Variants in SLC17A6 observed in about 807,000 individuals in gnomAD.
The protein encoded by SLC17A6 is solute carrier family 17 member 6.
Under a neutral mutation model 67.1 loss-of-function variants are expected in SLC17A6, and 35 were observed. The ratio of observed to expected loss-of-function variants is 0.52; its 90% CI spans 0.40 to 0.69. SLC17A6 has a LOEUF of 0.69. SLC17A6 is among the 30% of genes least tolerant of loss of function. The pLI is 0.00. For synonymous variants in SLC17A6, 285 were observed against 252.3 expected, an observed-to-expected ratio of 1.13 and a Z score of -1.23; for missense variants, 588 against 723.9, an observed-to-expected ratio of 0.81 and a Z score of 2.15.
At chr11:22,351,105 A>G (rs1296403279) in intron 3 of SLC17A6, among the ~76,000 whole-genome samples, 2 of 152,162 alleles carry the variant, frequency 1.3e-5, no homozygotes, top group Admixed American at 1.3e-4. Flanking sequence ...AATCATCTTC[A>G]TAATTGCCTT....
At chr11:22,339,182 T>C (rs1435692783) in intron 1 of SLC17A6, among the ~76,000 whole-genome samples, 1 of 15,262 alleles carries the variant, frequency 6.6e-5, no homozygotes, top group East Asian at 8.9e-3. Flanking sequence ...ATATATGTTT[T>C]ATATATATAT....
intron 3 of SLC17A6, among the ~76,000 whole-genome samples, chr11:22,344,029 C>A (rs972300375): frequency 1.3e-5 from 2 of 152,108 alleles, no homozygotes; most frequent in African/African-American, 4.8e-5. Flanking sequence ...TGGAGAGACA[C>A]CCCTAAAGCA....
intron 8 of SLC17A6, 148 bp downstream of exon 8, chr11:22,370,336 G>A (rs961046468): frequency 2.6e-5 from 18 of 681,288 alleles, no homozygotes; most frequent in Non-Finnish European, 3.8e-5. Flanking sequence ...TAGAAGCAAA[G>A]TAAAATGTTT....
intron 8 of SLC17A6, among the ~76,000 whole-genome samples, chr11:22,372,977 A>G (rs553680619): frequency 6.6e-6 from 1 of 152,176 alleles, no homozygotes; most frequent in African/African-American, 2.4e-5. Flanking sequence ...AGGAGAGTCA[A>G]TACCCTTAAA....
intron 3 of SLC17A6, among the ~76,000 whole-genome samples, chr11:22,358,912 A>C (rs1856018899): frequency 6.6e-6 from 1 of 152,224 alleles, no homozygotes; most frequent in Non-Finnish European, 1.5e-5. Flanking sequence ...CTGTATGTGC[A>C]GCTTCTAGGA....
chr11:22,359,429 A>G lies in SLC17A6; in HGVS notation c.475A>G (p.Ile159Val). ...CTATTTCAGGGTTTTCGGAGCTGCC[A>G]TACTTCTTACCTCTACCCTAAATAT... ...LAANRVFGAAILLTSTLNMLI... is the reference protein window; with the variant it reads ...LAANRVFGAAVLLTSTLNMLI... Residue 159 changes from isoleucine to valine, a missense_variant, in exon 4 of 12, where the codon ATA becomes GTA. Ile to Val is a conservative substitution (Grantham distance 29, BLOSUM62 3). Transcript: ENST00000263160. 1.3e-6 allele frequency: 2 copies of G among 1,582,844 alleles called. No homozygotes were observed. Among genetic ancestry groups the G allele is most frequent in the Non-Finnish European group, 1.7e-6 (2 of 1,164,222 alleles).
chr11:22,361,225 T>C, intron 5 of SLC17A6: 1 of 417,366 alleles, frequency 2.4e-6, no homozygotes. Flanking sequence ...GGATTTCAAA[T>C]ATATTCATGG....
chr11:22,375,210 A>C (rs1056423936), intron 9 of SLC17A6, among the ~76,000 whole-genome samples: 3 of 151,580 alleles, frequency 2.0e-5, no homozygotes, highest in Admixed American at 6.6e-5. Context: ...ATCTCGACTA[A>C]AAACACAAAA....
At chr11:22,339,179 TTTTATATATA>T (rs1855782033) in intron 1 of SLC17A6, among the ~76,000 whole-genome samples, 3 of 51,856 alleles carry the variant, frequency 5.8e-5, no homozygotes, top group Non-Finnish European at 1.1e-4. Flanking sequence ...TATATATATG[TTTTATATATA>T]TATATATATA....
At chr11:22,341,099 T>A (rs757311987) in intron 1 of SLC17A6, among the ~76,000 whole-genome samples, 14 of 152,156 alleles carry the variant, frequency 9.2e-5, no homozygotes, top group Non-Finnish European at 1.8e-4. Context: ...ACCGCGGTAG[T>A]CAGGGTAAAG....
chr11:22,340,939 A>AG (rs975043848), intron 1 of SLC17A6, among the ~76,000 whole-genome samples: 2 of 152,142 alleles, frequency 1.3e-5, no homozygotes, highest in Non-Finnish European at 2.9e-5. Flanking sequence ...GGCTCAGCTC[A>AG]GGGGGTGGAT....
chr11:22,364,194 A>T (rs1482229885), intron 6 of SLC17A6, among the ~76,000 whole-genome samples: 1 of 152,136 alleles, frequency 6.6e-6, no homozygotes, highest in Non-Finnish European at 1.5e-5. Context: ...AAGAGATAAG[A>T]TCAGTATAGT....
intron 4 of SLC17A6, among the ~76,000 whole-genome samples, chr11:22,360,528 C>T (rs1193314546): frequency 2.3e-5 from 2 of 86,356 alleles, no homozygotes; most frequent in South Asian, 4.2e-4. Context: ...GCTCTCCTTC[C>T]CCCCCCCCCA....
rs956730810 is a variant in SLC17A6 at position 22,378,840 on chromosome 11, C to T, written c.*1100C>T. ...GGACAATACATTATATTAAAATGGTCTCTCTCTATATATATCTGTATATCT... is the reference window on the plus strand; with the variant it reads ...GGACAATACATTATATTAAAATGGTTTCTCTCTATATATATCTGTATATCT... On this transcript the variant is annotated 3_prime_UTR_variant, in exon 12 of 12. Coordinates refer to ENST00000263160, the MANE Select transcript of SLC17A6 (RefSeq NM_020346.3). 5 of 151,972 alleles carry T rather than the reference C, an allele frequency of 3.3e-5. No individual in the cohort carries two copies. The highest frequency in any genetic ancestry group is 1.2e-4 in the African/African-American group (5 of 41,410). The allele number at this position is 151,972 out of a possible 1,614,324, so 9.4% of individuals were successfully genotyped here. A position where few individuals can be genotyped will look rare whatever the true frequency, so the allele number is the denominator to read the frequency against.
intron 6 of SLC17A6, among the ~76,000 whole-genome samples, chr11:22,363,675 A>C (rs1173681345): frequency 6.6e-6 from 1 of 152,198 alleles, no homozygotes; most frequent in South Asian, 2.1e-4. Flanking sequence ...GAAGGTTATT[A>C]AATGTCACTT....
At chr11:22,361,342 C>A in intron 5 of SLC17A6, 1 of 159,966 alleles carries the variant, frequency 6.3e-6, no homozygotes, top group Non-Finnish European at 1.4e-5. Flanking sequence ...ATTTTAAACA[C>A]ATTTACAGAG....
In SLC17A6 at chr11:22,356,881, T is replaced by C. The variant is rs188032507; in HGVS notation, c.459-2532T>C. On this transcript the variant is annotated intron_variant, in intron 3 of 11. Coordinates refer to ENST00000263160, the MANE Select transcript of SLC17A6 (RefSeq NM_020346.3). ...AAACCACTTCAATTATGCCATGATA[T>C]TGTATAATTAGAAACATTATTCAGA... 1.5e-3 allele frequency among the ~76,000 whole-genome samples: 231 copies of C among 152,320 alleles called. 1 individual carries two copies. Among genetic ancestry groups the C allele is most frequent in the Admixed American group, 4.0e-3 (61 of 15,300 alleles).
At chr11:22,363,819 T>C (rs540549459) in intron 6 of SLC17A6, among the ~76,000 whole-genome samples, 1 of 152,282 alleles carries the variant, frequency 6.6e-6, no homozygotes, top group South Asian at 2.1e-4. Flanking sequence ...AATCAGATTT[T>C]AATTTATACT....
chr11:22,376,115 T>A, intron 10 of SLC17A6, 23 bp downstream of exon 10: 3 of 1,548,266 alleles, frequency 1.9e-6, no homozygotes, highest in Non-Finnish European at 2.7e-6. Context: ...TTTTTTTCTT[T>A]GTACTTGGGA....
Sources: gnomAD v4.1 joint callset for allele counts (sites outside exome capture counted in the v4.1 genomes callset) on GRCh38, gnomAD v4.1.1 for gene constraint, MANE v1.5 for transcripts, NCBI Gene and HGNC (gene_info 2026-07-23, HGNC 2026-07-21) for gene names.